The following LRSAM1 variants were observed in gnomAD, a reference collection of about 807,000 sequenced individuals.
The protein encoded by LRSAM1 is E3 ubiquitin-protein ligase LRSAM1.
A neutral mutation model predicts 118.1 loss-of-function variants in LRSAM1; 96 were observed. The observed-to-expected ratio is 0.81, with a 90% confidence interval of 0.69 to 0.96. LRSAM1 has a LOEUF of 0.96. Ranked by LOEUF, LRSAM1 falls within the 40% of genes least tolerant of loss-of-function variation. The pLI is 0.00. For synonymous variants in LRSAM1, 322 were observed against 364.2 expected, an observed-to-expected ratio of 0.88 and a Z score of 1.32; for missense variants, 804 against 915.5, an observed-to-expected ratio of 0.88 and a Z score of 1.57.
intron 24 of LRSAM1, among the ~76,000 whole-genome samples, chr9:127,500,165 A>G (rs1231610740): frequency 6.6e-6 from 1 of 151,632 alleles, no homozygotes; most frequent in Non-Finnish European, 1.5e-5. Flanking sequence ...GCTTGAGACC[A>G]GCCTGGCCAA....
intron 8 of LRSAM1, among the ~76,000 whole-genome samples, chr9:127,461,542 T>G (rs1250544357): frequency 6.6e-6 from 1 of 151,986 alleles, no homozygotes; most frequent in Non-Finnish European, 1.5e-5. Context: ...TAATGGTGAG[T>G]GTAGAGGACT....
At chr9:127,499,005 C>T (rs1198304455) in intron 24 of LRSAM1, among the ~76,000 whole-genome samples, 1 of 149,478 alleles carries the variant, frequency 6.7e-6, no homozygotes, top group Admixed American at 6.7e-5. Context: ...TACAGTGAGC[C>T]AAGATCATGC....
intron 15 of LRSAM1, among the ~76,000 whole-genome samples, chr9:127,482,143 T>TA (rs1407604668): frequency 1.2e-4 from 17 of 144,570 alleles, no homozygotes; most frequent in Admixed American, 1.0e-3. Context: ...AGTATATCTT[T>TA]TTTTTTTTTT....
chr9:127,495,154 T>C (rs1483000736), intron 21 of LRSAM1, among the ~76,000 whole-genome samples, 166 bp from the exon 22 acceptor site: 1 of 152,042 alleles, frequency 6.6e-6, no homozygotes, highest in African/African-American at 2.4e-5. Context: ...GGTTTCTCCA[T>C]GTTGGTCAGG....
intron 9 of LRSAM1, among the ~76,000 whole-genome samples, chr9:127,463,228 G>A (rs1834815469): frequency 1.3e-5 from 2 of 150,112 alleles, no homozygotes; most frequent in Admixed American, 1.3e-4. Flanking sequence ...AAAATTCTGA[G>A]CAGACCTGGA....
rs187576746 is a variant in LRSAM1 at position 127,492,962 on chromosome 9, T to C, written c.1599+65T>C. On this transcript the variant is annotated intron_variant, in intron 21 of 25. Coordinates refer to ENST00000300417, the MANE Select transcript of LRSAM1 (RefSeq NM_001005373.4). ...TTGCTTTTCTTTAACAGACTTGCCA[T>C]TTTTAGAAACACCTGTTATTCAAGT... The C allele has an allele frequency of 4.4e-6, 6 of 1,367,166 alleles. No individual in the cohort carries two copies. The East Asian group carries it at 1.4e-4, about 32-fold the overall frequency. The allele number at this position is 1,367,166 out of a possible 1,614,324, so 84.7% of individuals were successfully genotyped here. A position where few individuals can be genotyped will look rare whatever the true frequency, so the allele number is the denominator to read the frequency against.
intron 19 of LRSAM1, among the ~76,000 whole-genome samples, chr9:127,489,952 A>G (rs1835872815): frequency 6.6e-6 from 1 of 152,210 alleles, no homozygotes; most frequent in Non-Finnish European, 1.5e-5. Context: ...AGAAGAGGGC[A>G]GGGGGAGCTG....
Position 127,454,517 on chromosome 9 carries a change from A to T in LRSAM1, c.-11A>T. On this transcript the variant is annotated 5_prime_UTR_variant, in exon 3 of 26. Coordinates refer to ENST00000300417, the MANE Select transcript of LRSAM1 (RefSeq NM_001005373.4). ...CCAGGGTCCTAAAGATCGCTCTGGG[A>T]AAAGGGAAGGATGCCGCTCTTCTTC... 6.2e-7 allele frequency: 1 copy of T among 1,614,088 alleles called. No homozygotes were observed. Among genetic ancestry groups the T allele is most frequent in the Non-Finnish European group, 8.5e-7 (1 of 1,179,978 alleles).
intron 21 of LRSAM1, among the ~76,000 whole-genome samples, chr9:127,494,736 G>C (rs1836059161): frequency 1.3e-5 from 2 of 152,070 alleles, no homozygotes; most frequent in African/African-American, 4.8e-5. Context: ...TTGAGGTCAG[G>C]AGTTTGAGAC....
intron 2 of LRSAM1, among the ~76,000 whole-genome samples, chr9:127,452,590 T>C (rs567152132): frequency 5.9e-5 from 9 of 152,320 alleles, no homozygotes; most frequent in Admixed American, 3.3e-4. Context: ...GGCTAACATT[T>C]ATTGAGCGCT....
chr9:127,457,495 C>T, intron 6 of LRSAM1, 102 bp downstream of exon 6: 1 of 1,012,862 alleles, frequency 9.9e-7, no homozygotes, highest in Non-Finnish European at 1.5e-6. Context: ...TCAGAGGGGC[C>T]CAATCTACCA....
chr9:127,473,715 C>T (rs914689568), intron 10 of LRSAM1, 86 bp from the exon 11 acceptor site: 259 of 1,595,316 alleles, frequency 1.6e-4, no homozygotes, highest in Admixed American at 2.5e-4. Context: ...AGGGTGGGGC[C>T]GGCTGCCCTG....
intron 7 of LRSAM1, among the ~76,000 whole-genome samples, chr9:127,459,550 T>G (rs1588096735): frequency 2.0e-5 from 3 of 151,154 alleles, no homozygotes; most frequent in East Asian, 3.9e-4. Context: ...AATAAATACC[T>G]TGGTGTAGGA....
At chr9:127,494,914 TCA>T (rs1417551238) in intron 21 of LRSAM1, among the ~76,000 whole-genome samples, 1 of 152,192 alleles carries the variant, frequency 6.6e-6, no homozygotes, top group Non-Finnish European at 1.5e-5. Context: ...GTCCACCCGC[TCA>T]GAGGAGCATG....
In LRSAM1 at chr9:127,467,799, C is replaced by T. The variant is rs1418395818; in HGVS notation, c.588C>T (p.Gly196=). 3 of 1,607,288 alleles carry T rather than the reference C, an allele frequency of 1.9e-6. No homozygotes were observed. The highest frequency in any genetic ancestry group is 2.5e-6 in the Non-Finnish European group (3 of 1,178,164). ...VYPPREVCGA[G]TAAILQFLCK... ...CGCCGCGGGAGGTGTGTGGTGCCGG[C>T]ACTGCGGCCATCTTGCAGTTCCTCT... Residue 196 remains glycine (G), a synonymous_variant, in exon 10 of 26, where the codon GGC becomes GGT. Transcript: ENST00000300417.
At chr9:127,473,715 C>G in intron 10 of LRSAM1, 86 bp from the exon 11 acceptor site, 1 of 1,595,434 alleles carries the variant, frequency 6.3e-7, no homozygotes, top group African/African-American at 1.3e-5. Flanking sequence ...AGGGTGGGGC[C>G]GGCTGCCCTG....
At chr9:127,492,986 G>A (rs1249841982) in intron 21 of LRSAM1, 89 bp downstream of exon 21, 1 of 1,073,772 alleles carries the variant, frequency 9.3e-7, no homozygotes, top group Non-Finnish European at 1.4e-6. Flanking sequence ...TGTTATTCAA[G>A]TAAGAGTTAT....
At chr9:127,497,218 C>T (rs951387908) in intron 23 of LRSAM1, 35 bp from the exon 24 acceptor site, 37 of 1,610,048 alleles carry the variant, frequency 2.3e-5, no homozygotes, top group African/African-American at 4.0e-5. Context: ...GGCTCCCGCC[C>T]AGGCCACAGT....
intron 18 of LRSAM1, among the ~76,000 whole-genome samples, chr9:127,489,185 G>T (rs541992899): frequency 6.6e-6 from 1 of 152,210 alleles, no homozygotes; most frequent in East Asian, 1.9e-4. Flanking sequence ...TGTGAAGTGG[G>T]GCAGTAAAAG....
Sources: allele counts gnomAD v4.1 joint callset (sites outside exome capture counted in the v4.1 genomes callset), GRCh38; gene constraint gnomAD v4.1.1; transcripts MANE v1.5; gene names NCBI Gene and HGNC (gene_info 2026-07-23, HGNC 2026-07-21).